The following ZRANB1 variants were observed in gnomAD, a reference collection of about 807,000 sequenced individuals.
ZRANB1 encodes zinc finger RANBP2-type containing 1.
In ZRANB1, 16 loss-of-function variants were observed where a neutral mutation model predicts 80.5. That is an observed-to-expected ratio of 0.20 (90% CI 0.13 to 0.30). The LOEUF (loss-of-function observed/expected upper bound fraction) is 0.30. ZRANB1 is among the 10% of genes least tolerant of loss of function. The pLI is 1.00. For synonymous variants in ZRANB1, 291 were observed against 293.1 expected, an observed-to-expected ratio of 0.99 and a Z score of 0.07; for missense variants, 576 against 862.6, an observed-to-expected ratio of 0.67 and a Z score of 4.16.
intron 8 of ZRANB1, chr10:124,984,300 CTT>C (rs2134003661): frequency 6.4e-6 from 1 of 155,264 alleles, no homozygotes; most frequent in South Asian, 2.0e-4. Flanking sequence ...AAACAACGCT[CTT>C]TCAGAAAGCC....
chr10:124,926,532 G>A, the ZRANB1 span, among the ~76,000 whole-genome samples: 12 of 152,252 alleles, frequency 7.9e-5, no homozygotes, highest in South Asian at 1.5e-3. Context: ...GAAGGTCTTC[G>A]GGGGCAATAA....
the ZRANB1 span, among the ~76,000 whole-genome samples, chr10:124,924,147 G>T: frequency 6.6e-6 from 1 of 151,604 alleles, no homozygotes; most frequent in African/African-American, 2.4e-5. Context: ...CAAGTGATCT[G>T]CCCGCCTTGG....
chr10:124,966,813 T>C, intron 2 of ZRANB1, 32 bp downstream of exon 2: 3 of 1,570,092 alleles, frequency 1.9e-6, no homozygotes, highest in Non-Finnish European at 2.6e-6. Flanking sequence ...AATGTTCTTT[T>C]ATATTAAAGA....
At chr10:124,959,825 C>G (rs1005727926) in intron 1 of ZRANB1, among the ~76,000 whole-genome samples, 19 of 152,148 alleles carry the variant, frequency 1.2e-4, no homozygotes, top group African/African-American at 4.6e-4. Context: ...CCACACTCAC[C>G]CTAGTGTAGA....
At chr10:124,981,568 A>T in intron 5 of ZRANB1, 141 bp from the exon 6 acceptor site, 1 of 766,578 alleles carries the variant, frequency 1.3e-6, no homozygotes. Flanking sequence ...TTAGAAAAAT[A>T]CATTACCAAC....
intron 3 of ZRANB1, 42 bp downstream of exon 3, chr10:124,972,160 T>TTAAAAAA (rs769649558): frequency 5.7e-6 from 9 of 1,587,292 alleles, no homozygotes; most frequent in Non-Finnish European, 3.4e-6. Context: ...TTTATTTTAT[T>TTAAAAAA]ATAGTTACAT....
upstream of ZRANB1, among the ~76,000 whole-genome samples, chr10:124,941,198 TAAAAA>T (rs59781656): frequency 6.7e-6 from 1 of 148,830 alleles, no homozygotes; most frequent in East Asian, 2.0e-4. Context: ...TTCAAGCCAT[TAAAAA>T]AAAAAAAATT....
intron 1 of ZRANB1, chr10:124,945,626 A>G (rs1951575909): frequency 1.3e-5 from 2 of 152,130 alleles, no homozygotes; most frequent in African/African-American, 4.8e-5. Context: ...GCTTCAAGTC[A>G]GTGGATCTCA....
chr10:124,953,870 T>C (rs891942768), intron 1 of ZRANB1, among the ~76,000 whole-genome samples: 14 of 152,208 alleles, frequency 9.2e-5, no homozygotes, highest in African/African-American at 2.4e-4. Context: ...TTTTAAGTGC[T>C]GGGTTATGAA....
At chr10:124,972,290 G>A (rs1302585915) in intron 3 of ZRANB1, among the ~76,000 whole-genome samples, 172 bp downstream of exon 3, 1 of 152,212 alleles carries the variant, frequency 6.6e-6, no homozygotes, top group Non-Finnish European at 1.5e-5. Flanking sequence ...AGGATTACTT[G>A]TTAGGAAATG....
At chr10:124,922,847 T>A in the ZRANB1 span, among the ~76,000 whole-genome samples, 7 of 152,018 alleles carry the variant, frequency 4.6e-5, no homozygotes, top group Admixed American at 3.9e-4. Context: ...GGCCCTAAAT[T>A]TTTTAGTAAT....
Position 124,966,664 on chromosome 10 carries a change from C to T in ZRANB1, c.885C>T (p.Leu295=), listed in dbSNP as rs780333627. The T allele has an allele frequency of 3.8e-5, 61 of 1,614,060 alleles. No homozygotes were observed. Among genetic ancestry groups the T allele is most frequent in the Non-Finnish European group, 4.9e-5 (58 of 1,180,030 alleles). The change falls in exon 2 of 9, where the codon CTC becomes CTT. Residue 295 remains leucine (L), a synonymous_variant. Transcript: ENST00000359653. ...CAGGAGGAGACATTGCACGTCAGCT[C>T]ACCGCAGATGAAGTACGCTTGCTGA... ...KSSGGDIARQ[L]TADEVRLLNR... is the part of the protein sequence containing the mutation.
chr10:124,950,089 A>G (rs1405198820), intron 1 of ZRANB1, among the ~76,000 whole-genome samples: 1 of 152,176 alleles, frequency 6.6e-6, no homozygotes, highest in East Asian at 1.9e-4. Context: ...GTAAAGACTT[A>G]GATGATTTTT....
intron 2 of ZRANB1, among the ~76,000 whole-genome samples, chr10:124,968,591 C>G (rs1467978252): frequency 1.3e-5 from 2 of 152,078 alleles, no homozygotes; most frequent in African/African-American, 4.8e-5. Flanking sequence ...TGTCGAAGGC[C>G]TGGCTGCATT....
In ZRANB1 at chr10:124,987,368, A is replaced by T. The variant is rs1242545941; in HGVS notation, c.*2376A>T. On this transcript the variant is annotated 3_prime_UTR_variant, in exon 9 of 9. Coordinates refer to ENST00000359653, the MANE Select transcript of ZRANB1 (RefSeq NM_017580.3). ...TTCTTCCTTGGGGTCAAATTTATAT[A>T]TATATATATAAATTTTTGTTTGGGC... The T allele has an allele frequency of 1.3e-5, 2 of 151,438 alleles. No individual in the cohort carries two copies. Among genetic ancestry groups the T allele is most frequent in the African/African-American group, 4.9e-5 (2 of 41,142 alleles). 9.4% of individuals were successfully genotyped at this position (151,438 alleles called of 1,614,324 possible). A position where few individuals can be genotyped will look rare whatever the true frequency, so the allele number is the denominator to read the frequency against.
chr10:124,949,355 G>A (rs2134251622), intron 1 of ZRANB1, among the ~76,000 whole-genome samples: 1 of 151,056 alleles, frequency 6.6e-6, no homozygotes, highest in East Asian at 1.9e-4. Flanking sequence ...GGCTGTTGAA[G>A]GTATAGGGGG....
At position 124,987,568 on chromosome 10, in the gene ZRANB1, G is replaced by A. The variant is rs1952086946; in HGVS notation, c.*2576G>A. The stretch of plus-strand genomic sequence containing the variant: ...ATATTTCATTGCCTCTTTGATGAGT[G>A]GTTACGAAGACGTTAAACTACCTTT... On this transcript the variant is annotated 3_prime_UTR_variant, in exon 9 of 9. Coordinates refer to ENST00000359653, the MANE Select transcript of ZRANB1 (RefSeq NM_017580.3). 1 of 152,112 alleles carries A rather than the reference G, an allele frequency of 6.6e-6. No homozygotes were observed. The highest frequency in any genetic ancestry group is 2.1e-4 in the South Asian group (1 of 4,818). The allele number at this position is 152,112 out of a possible 1,614,324, so 9.4% of individuals were successfully genotyped here.
chr10:124,970,187 G>T lies in ZRANB1; in HGVS notation c.1003-1778G>T, dbSNP rs984884717. 2.0e-5 allele frequency among the ~76,000 whole-genome samples: 3 copies of T among 152,200 alleles called. No homozygotes were observed. The South Asian group carries it at 6.2e-4, about 31-fold the overall frequency. On this transcript the variant is annotated intron_variant, in intron 2 of 8. Coordinates refer to ENST00000359653, the MANE Select transcript of ZRANB1 (RefSeq NM_017580.3). The stretch of plus-strand genomic sequence containing the variant: ...TGGGCTCATGGAGTTAAGATATAGT[G>T]AGAATTTTCATGGTTAATGGTAATC...
chr10:124,935,501 T>C, the ZRANB1 span, among the ~76,000 whole-genome samples: 1 of 152,220 alleles, frequency 6.6e-6, no homozygotes, highest in Non-Finnish European at 1.5e-5. Context: ...ATGGTTCAGA[T>C]TTTGCCTGCA....
Sources: gnomAD v4.1 joint callset for allele counts (sites outside exome capture counted in the v4.1 genomes callset) on GRCh38, gnomAD v4.1.1 for gene constraint, MANE v1.5 for transcripts, NCBI Gene and HGNC (gene_info 2026-07-23, HGNC 2026-07-21) for gene names.